The following DLGAP1 variants were observed in gnomAD, a reference collection of about 807,000 sequenced individuals.
The protein encoded by DLGAP1 is DLG associated protein 1.
In DLGAP1, 11 loss-of-function variants were observed where a neutral mutation model predicts 90.8. The observed-to-expected ratio is 0.12, with a 90% CI of 0.08 to 0.20. The LOEUF (loss-of-function observed/expected upper bound fraction) is 0.20. Ranked by LOEUF, DLGAP1 falls within the 10% of genes least tolerant of loss-of-function variation. The probability of loss-of-function intolerance (pLI) is 1.00; values close to 1 mark genes in which losing one functional copy is unlikely to be tolerated. For synonymous variants in DLGAP1, 558 were observed against 540.7 expected, an observed-to-expected ratio of 1.03 and a Z score of -0.44; for missense variants, 1,050 against 1,333.8, an observed-to-expected ratio of 0.79 and a Z score of 3.31.
chr18:3,771,497 G>C (rs1006969083), intron 5 of DLGAP1: 1 of 152,444 alleles, frequency 6.6e-6, no homozygotes, highest in Non-Finnish European at 1.5e-5. Context: ...TCAGTCCCGG[G>C]GAGGACCGGC....
chr18:3,793,755 C>T (rs1174038049), intron 5 of DLGAP1, among the ~76,000 whole-genome samples: 8 of 152,190 alleles, frequency 5.3e-5, no homozygotes. Context: ...TTCTGTCTGA[C>T]TCACTTTCCC....
chr18:4,107,576 G>T (rs909871405), intron 2 of DLGAP1, among the ~76,000 whole-genome samples: 1 of 152,212 alleles, frequency 6.6e-6, no homozygotes, highest in Non-Finnish European at 1.5e-5. Context: ...AGGCTGTAGT[G>T]ATGGTTGCGT....
At chr18:3,625,193 C>T (rs780584657) in intron 7 of DLGAP1, among the ~76,000 whole-genome samples, 1 of 152,174 alleles carries the variant, frequency 6.6e-6, no homozygotes, top group Non-Finnish European at 1.5e-5. Context: ...AGTGATGTTA[C>T]GACTGCCAAA....
Position 4,334,324 on chromosome 18 carries a change from TG to T in DLGAP1, c.-267+120681del, listed in dbSNP as rs528692487. Reference sequence around the variant, plus strand: ...AGTCTCTATGACAAAGTAAGTACTTTGTTTTTTTTGTGGTAATACTTTAGTG... The same window carrying T: ...AGTCTCTATGACAAAGTAAGTACTTTTTTTTTTTGTGGTAATACTTTAGTG... On this transcript the variant is annotated intron_variant, in intron 1 of 12. Transcript: ENST00000315677. 7.3e-3 allele frequency among the ~76,000 whole-genome samples: 1,107 copies of T among 151,938 alleles called. 43 individuals carry two copies. Among genetic ancestry groups the T allele is most frequent in the African/African-American group, 0.026 (1,057 of 41,266 alleles).
chr18:4,022,920 G>A (rs1339531615), intron 2 of DLGAP1, among the ~76,000 whole-genome samples: 1 of 127,808 alleles, frequency 7.8e-6, no homozygotes, highest in Non-Finnish European at 1.7e-5. Context: ...GATTTAATTA[G>A]TATTTTCCTT....
intron 2 of DLGAP1, among the ~76,000 whole-genome samples, chr18:4,048,908 T>G (rs931202173): frequency 6.6e-6 from 1 of 152,210 alleles, no homozygotes; most frequent in Non-Finnish European, 1.5e-5. Context: ...TTAGTTCACA[T>G]GTAACCCTTA....
intron 3 of DLGAP1, among the ~76,000 whole-genome samples, chr18:3,955,828 C>T (rs939078288): frequency 7.2e-5 from 11 of 151,980 alleles, no homozygotes; most frequent in African/African-American, 2.7e-4. Flanking sequence ...AACATTAATG[C>T]TAGATTAGAC....
At chr18:4,373,062 A>C (rs997304367) in intron 1 of DLGAP1, among the ~76,000 whole-genome samples, 6 of 152,234 alleles carry the variant, frequency 3.9e-5, no homozygotes, top group African/African-American at 1.2e-4. Context: ...AAGCTCCTAG[A>C]GTCAGCTTAC....
intron 7 of DLGAP1, among the ~76,000 whole-genome samples, chr18:3,693,617 G>A (rs1328105352): frequency 6.6e-6 from 1 of 152,198 alleles, no homozygotes; most frequent in Non-Finnish European, 1.5e-5. Flanking sequence ...ACATCCAGGG[G>A]TAATTGACTC....
intron 10 of DLGAP1, among the ~76,000 whole-genome samples, chr18:3,510,820 T>C (rs1246935319): frequency 6.6e-6 from 1 of 152,320 alleles, no homozygotes; most frequent in East Asian, 1.9e-4. Flanking sequence ...TAGACTGCCA[T>C]AATAAAAGTA....
At chr18:4,134,548 A>G (rs1437171552) in intron 2 of DLGAP1, among the ~76,000 whole-genome samples, 1 of 152,104 alleles carries the variant, frequency 6.6e-6, no homozygotes, top group Admixed American at 6.6e-5. Flanking sequence ...TTTAATACCA[A>G]TGCATATGTT....
intron 1 of DLGAP1, among the ~76,000 whole-genome samples, chr18:4,308,981 G>GTGGTCA (rs1568505146): frequency 2.0e-5 from 3 of 152,188 alleles, no homozygotes; most frequent in African/African-American, 7.2e-5. Context: ...TAAACACCTT[G>GTGGTCA]TGGTCATTAT....
chr18:4,147,357 C>G (rs1007393678), intron 2 of DLGAP1, among the ~76,000 whole-genome samples: 2 of 152,088 alleles, frequency 1.3e-5, no homozygotes, highest in African/African-American at 4.8e-5. Context: ...GAGCACAATA[C>G]CCGGATATTG....
At chr18:4,053,906 G>A (rs1217379458) in intron 2 of DLGAP1, among the ~76,000 whole-genome samples, 1 of 152,184 alleles carries the variant, frequency 6.6e-6, no homozygotes, top group Non-Finnish European at 1.5e-5. Context: ...TGTGGATTCT[G>A]TTCATGCAGA....
intron 1 of DLGAP1, among the ~76,000 whole-genome samples, chr18:4,335,480 A>G (rs1240000482): frequency 6.6e-6 from 1 of 151,912 alleles, no homozygotes; most frequent in Non-Finnish European, 1.5e-5. Flanking sequence ...ATACTGCTTA[A>G]GTTTGTTTTA....
intron 2 of DLGAP1, among the ~76,000 whole-genome samples, chr18:4,085,106 C>T (rs1409018837): frequency 3.3e-5 from 5 of 151,980 alleles, no homozygotes; most frequent in South Asian, 2.1e-4. Context: ...AGAAAATGAC[C>T]GAGGCAGGAC....
At position 3,711,173 on chromosome 18, in the gene DLGAP1, G is replaced by T. The variant is rs1224991645; in HGVS notation, c.1591+17962C>A. Among the ~76,000 whole-genome samples, 3 of 152,200 alleles carry T rather than the reference G, an allele frequency of 2.0e-5. No homozygotes were observed. The highest frequency in any genetic ancestry group is 4.8e-5 in the African/African-American group (2 of 41,446). On this transcript the variant is annotated intron_variant, in intron 7 of 12. Transcript: ENST00000315677. This position sits in a 1 kb window ranked among gnomAD's most constrained non-coding sequence, Gnocchi z 4.0. ...AGAGTGTAAGAGGGCAGCACAAAGG[G>T]AAGTAAAAACAAAGCCAAGGGCATA...
chr18:3,610,625 A>G (rs575898690), intron 7 of DLGAP1, among the ~76,000 whole-genome samples: 20 of 152,222 alleles, frequency 1.3e-4, no homozygotes, highest in African/African-American at 4.6e-4. Context: ...CCTTGAGCCC[A>G]GAAGTTAAAG....
In DLGAP1 at chr18:4,033,792, G is replaced by T. The variant is rs901081231; in HGVS notation, c.-158-28591C>A. On this transcript the variant is annotated intron_variant, in intron 2 of 12. Transcript: ENST00000315677. ...TCTCGCTCTGTCACCCAGGCTGGAG[G>T]GCAATGGTGCAATCTCGGCTCACTG... Among the ~76,000 whole-genome samples the T allele has an allele frequency of 1.5e-4, 22 of 150,648 alleles. No individual in the cohort carries two copies. In the East Asian group the frequency reaches 1.8e-3, roughly 12 times the overall value.
Sources: gnomAD v4.1 joint callset for allele counts (sites outside exome capture counted in the v4.1 genomes callset) on GRCh38, gnomAD v4.1.1 for gene constraint, Gnocchi (gnomAD v3.1) non-coding constraint, MANE v1.5 for transcripts, NCBI Gene and HGNC (gene_info 2026-07-23, HGNC 2026-07-21) for gene names.